KHSRP: variants seen among roughly 807,000 people sequenced by gnomAD.
KHSRP encodes the protein KH-type splicing regulatory protein.
In KHSRP, 13 loss-of-function variants were observed where a neutral mutation model predicts 94.9. The ratio of observed to expected loss-of-function variants is 0.14; its 90% CI spans 0.09 to 0.22. The LOEUF (loss-of-function observed/expected upper bound fraction) is 0.22, where lower values mean the gene tolerates loss of function less well. Among genes scored for constraint, KHSRP ranks in the 10% least tolerant of loss-of-function variants. KHSRP has a pLI of 1.00. For synonymous variants in KHSRP, 495 were observed against 401.4 expected (o/e 1.23, Z -2.79); for missense variants, 710 against 1,010.0 (o/e 0.70, Z 4.03).
chr19:6,423,154 T>TTA (rs1161448226), intron 1 of KHSRP, among the ~76,000 whole-genome samples: 1 of 152,092 alleles, frequency 6.6e-6, no homozygotes, highest in Non-Finnish European at 1.5e-5. Context: ...TGGTGCACAC[T>TTA]TATAATCCCA....
intron 4 of KHSRP, among the ~76,000 whole-genome samples, 159 bp from the exon 5 acceptor site, chr19:6,420,630 C>T (rs1173899919): frequency 2.0e-5 from 3 of 152,246 alleles, no homozygotes; most frequent in Non-Finnish European, 4.4e-5. Flanking sequence ...ATCTGTGCCC[C>T]GAGAGGCTTG....
intron 12 of KHSRP, 44 bp from the exon 13 acceptor site, chr19:6,416,926 G>T (rs200573172): frequency 6.2e-7 from 1 of 1,612,992 alleles, no homozygotes; most frequent in Admixed American, 1.7e-5. Context: ...CCTGGAAGCC[G>T]GTCTGGTCTT....
rs2092125714 is a variant in KHSRP, at chr19:6,414,387, G to A, written c.*637C>T. ...GGGCCGCGGAGGGCGGAGGCGCTAG[G>A]GTCGTAGGGGAGCTGCCCTGTCTCC... On this transcript the variant is annotated 3_prime_UTR_variant, in exon 19 of 19. Transcript: ENST00000600480. 6.1e-6 allele frequency: 8 copies of A among 1,317,142 alleles called. No individual in the cohort carries two copies. The South Asian group carries it at 7.0e-5, about 12-fold the overall frequency. The allele number at this position is 1,317,142 out of a possible 1,614,324, so 81.6% of individuals were successfully genotyped here. A position where few individuals can be genotyped will look rare whatever the true frequency, so the allele number is the denominator to read the frequency against.
intron 7 of KHSRP, 95 bp downstream of exon 7, chr19:6,419,108 T>C (rs1278237400): frequency 3.2e-6 from 4 of 1,257,508 alleles, no homozygotes; most frequent in East Asian, 2.5e-5. Flanking sequence ...ATGGAGGACA[T>C]GGCGTGCAAG....
At position 6,416,758 on chromosome 19, in the gene KHSRP, C is replaced by T; in HGVS notation, c.1307G>A (p.Cys436Tyr). The change falls in exon 13 of 19, where the codon TGT becomes TAT. Residue 436 changes from cysteine (C) to tyrosine (Y), a missense_variant. This residue lies in a region of KHSRP where 288 missense variants were observed against 501.1 expected (regional missense o/e 0.57). Transcript: ENST00000600480. ...CTCACCTCGGCCGATGACCAGCCCA[C>T]ACTTGTGAGTGGGGATGGAGAAGGT... ...EMTFSIPTHK[C>Y]GLVIGRGGEN... 1 of 1,597,466 alleles carries T rather than the reference C, an allele frequency of 6.3e-7. No individual in the cohort carries two copies. Among genetic ancestry groups the T allele is most frequent in the Non-Finnish European group, 8.5e-7 (1 of 1,170,686 alleles).
At chr19:6,416,220 G>A (rs538096665) in intron 15 of KHSRP, 78 bp downstream of exon 15, 5 of 1,220,682 alleles carry the variant, frequency 4.1e-6, no homozygotes, top group South Asian at 1.4e-5. Flanking sequence ...TCTAGGGAAA[G>A]GGAAATGGGG....
In KHSRP at chr19:6,414,338, G is replaced by A; in HGVS notation, c.*686C>T. The A allele has an allele frequency of 1.4e-6, 2 of 1,397,742 alleles. No individual in the cohort carries two copies. Among genetic ancestry groups the A allele is most frequent in the African/African-American group, 1.5e-5 (1 of 68,854 alleles). The allele number at this position is 1,397,742 out of a possible 1,614,324, so 86.6% of individuals were successfully genotyped here. ...ACGCTGCTCCCTGATGGAGAAGGAG[G>A]GACAGAGCAGGAAGAGAGGAGAGGG... On this transcript the variant is annotated 3_prime_UTR_variant, in exon 19 of 19. Transcript: ENST00000600480.
At chr19:6,420,341 G>T in intron 5 of KHSRP, 81 bp downstream of exon 5, 1 of 1,407,214 alleles carries the variant, frequency 7.1e-7, no homozygotes, top group Non-Finnish European at 1.0e-6. Context: ...TCAGACCAGG[G>T]CTTCTGGGCT....
At position 6,415,309 on chromosome 19, in the gene KHSRP, T is replaced by C; in HGVS notation, c.1967-8A>G. ...CTCCGGTGGCCACTTGCGCTGTGGG[T>C]GGACAAAGGCAGGTGAGAGGCTGTG... is the stretch of plus-strand genomic sequence containing the variant. On this transcript the variant is annotated splice_polypyrimidine_tract_variant and splice_region_variant and intron_variant, in intron 18 of 18. Coordinates refer to ENST00000600480, the MANE Select transcript of KHSRP (RefSeq NM_001366299.1). The C allele has an allele frequency of 6.2e-7, 1 of 1,613,302 alleles. No individual in the cohort carries two copies. Among genetic ancestry groups the C allele is most frequent in the Non-Finnish European group, 8.5e-7 (1 of 1,179,788 alleles).
In KHSRP at chr19:6,414,038, C is replaced by G. The variant is rs1351321295; in HGVS notation, c.*986G>C. 5.3e-6 allele frequency: 8 copies of G among 1,520,406 alleles called. No homozygotes were observed. The African/African-American group carries it at 1.1e-4, about 21-fold the overall frequency. The allele number at this position is 1,520,406 out of a possible 1,614,324, so 94.2% of individuals were successfully genotyped here. A position where few individuals can be genotyped will look rare whatever the true frequency, so the allele number is the denominator to read the frequency against. ...GCCATCGCTCTCTCGCCAAACAAAACAGAAGCCCCCAAACAGAACAAAATG... is the reference window on the plus strand; with the variant it reads ...GCCATCGCTCTCTCGCCAAACAAAAGAGAAGCCCCCAAACAGAACAAAATG... On this transcript the variant is annotated 3_prime_UTR_variant, in exon 19 of 19. Coordinates refer to ENST00000600480, the MANE Select transcript of KHSRP (RefSeq NM_001366299.1).
At position 6,413,356 on chromosome 19, in the gene KHSRP, G is replaced by A. The variant is rs1365216509; in HGVS notation, c.*1668C>T. 1.3e-5 allele frequency: 5 copies of A among 386,922 alleles called. No homozygotes were observed. Among genetic ancestry groups the A allele is most frequent in the African/African-American group, 2.2e-5 (1 of 46,128 alleles). The allele number at this position is 386,922 out of a possible 1,614,324, so 24.0% of individuals were successfully genotyped here. On this transcript the variant is annotated 3_prime_UTR_variant, in exon 19 of 19. Transcript: ENST00000600480. ...CAGCACCCGCAGACGGGGAGGTTTT[G>A]TTATCATTTATTTGTGAAGTTAAAA...
In KHSRP at chr19:6,418,152, C is replaced by T. The variant is rs1376835064; in HGVS notation, c.880-73G>A. On this transcript the variant is annotated intron_variant, in intron 9 of 18. Coordinates refer to ENST00000600480, the MANE Select transcript of KHSRP (RefSeq NM_001366299.1). The surrounding 1 kb of genome is among the most constrained non-coding windows in gnomAD (Gnocchi z 4.3). Reference sequence around the variant, plus strand: ...ACACCCCCCCACCTCCTCGGGGGTGCGGGCCTCAACTAAGGACCCACGAAC... The same window carrying T: ...ACACCCCCCCACCTCCTCGGGGGTGTGGGCCTCAACTAAGGACCCACGAAC... 2.5e-5 allele frequency: 33 copies of T among 1,339,902 alleles called. No individual in the cohort carries two copies. The highest frequency in any genetic ancestry group is 1.7e-4 in the East Asian group (7 of 42,238). 83.0% of individuals were successfully genotyped at this position (1,339,902 alleles called of 1,614,324 possible).
At chr19:6,417,113 G>A (rs1354759099) in intron 11 of KHSRP, 26 bp from the exon 12 acceptor site, 5 of 1,570,288 alleles carry the variant, frequency 3.2e-6, no homozygotes, top group East Asian at 2.2e-5. Flanking sequence ...AGAGAGCAGA[G>A]ACACAAGTTT....
rs747999912 is a variant in KHSRP, at chr19:6,420,059, T to C, written c.547+14A>G. The C allele has an allele frequency of 2.6e-5, 41 of 1,607,362 alleles. No individual in the cohort carries two copies. Among genetic ancestry groups the C allele is most frequent in the Non-Finnish European group, 3.5e-5 (41 of 1,174,020 alleles). ...CCTGGCCCCCACTCTGGCAGGAACCTGACGCTCTTATACCTGGAGAAATCT... is the reference window on the plus strand; with the variant it reads ...CCTGGCCCCCACTCTGGCAGGAACCCGACGCTCTTATACCTGGAGAAATCT... On this transcript the variant is annotated intron_variant, in intron 6 of 18. Coordinates refer to ENST00000600480, the MANE Select transcript of KHSRP (RefSeq NM_001366299.1).
rs1305664121 is a variant in KHSRP, at chr19:6,414,285, C to T, written c.*739G>A. On this transcript the variant is annotated 3_prime_UTR_variant, in exon 19 of 19. Transcript: ENST00000600480. ...AAGGACGTGCTTGTTAACTGTCTAG[C>T]CAGGTGCTCGCGGGACTCGCTGAAG... 2 of 1,412,408 alleles carry T rather than the reference C, an allele frequency of 1.4e-6. No homozygotes were observed. The highest frequency in any genetic ancestry group is 6.1e-5 in the Admixed American group (2 of 32,900). The allele number at this position is 1,412,408 out of a possible 1,614,324, so 87.5% of individuals were successfully genotyped here.
In KHSRP at chr19:6,420,069, A is replaced by G. The variant is rs8112402; in HGVS notation, c.547+4T>C. ...ACTCTGGCAGGAACCTGACGCTCTT[A>G]TACCTGGAGAAATCTGTACTTTGCA... On this transcript the variant is annotated splice_donor_region_variant and intron_variant, in intron 6 of 18. Transcript: ENST00000600480. The G allele has an allele frequency of 5.6e-6, 9 of 1,611,244 alleles. No homozygotes were observed. The African/African-American group carries it at 1.2e-4, about 22-fold the overall frequency.
chr19:6,415,935 GGGGGTGGCCGCAGCCGGACCACCT>G, intron 15 of KHSRP, 39 bp from the exon 16 acceptor site: 1 of 1,311,644 alleles, frequency 7.6e-7, no homozygotes. Flanking sequence ...GCAGTGGTGC[GGGGGTGGCCGCAGCCGGACCACCT>G]GGGGTGGGGA....
Position 6,414,139 on chromosome 19 carries a change from T to G in KHSRP, c.*885A>C, listed in dbSNP as rs560194408. ...ATTGAGCCTGCGGAGAGGGAAGAGA[T>G]AGGAATTGGTCACTACGGGGAGGGA... On this transcript the variant is annotated 3_prime_UTR_variant, in exon 19 of 19. Coordinates refer to ENST00000600480, the MANE Select transcript of KHSRP (RefSeq NM_001366299.1). 3.8e-6 allele frequency: 6 copies of G among 1,598,910 alleles called. No individual in the cohort carries two copies. Among genetic ancestry groups the G allele is most frequent in the South Asian group, 3.3e-5 (3 of 90,100 alleles).
Position 6,424,575 on chromosome 19 carries a change from C to A in KHSRP, c.127G>T (p.Gly43Cys). The A allele has an allele frequency of 1.7e-5, 16 of 961,316 alleles. No homozygotes were observed. Among genetic ancestry groups the A allele is most frequent in the Non-Finnish European group, 1.8e-5 (15 of 811,936 alleles). The allele number at this position is 961,316 out of a possible 1,614,324, so 59.5% of individuals were successfully genotyped here. A position where few individuals can be genotyped will look rare whatever the true frequency, so the allele number is the denominator to read the frequency against. The change falls in exon 1 of 19, where the codon GGC becomes TGC. Residue 43 changes from glycine to cysteine, a missense_variant. Around this residue, in one of 5 missense-constraint regions of KHSRP, gnomAD observed 92 missense variants for 80.8 expected, o/e 1.14. Transcript: ENST00000600480. ...CCCGGGCCGCCGCCGCCGGGACCGC[C>A]GCCGCCCCGGTCCCCCGCGCCTGGC... Reference protein sequence around the residue: ...GPPGAGDRGGGGPGGGGPGGG... With the variant: ...GPPGAGDRGGCGPGGGGPGGG...
Sources: gnomAD v4.1 joint callset for allele counts (sites outside exome capture counted in the v4.1 genomes callset) on GRCh38, gnomAD v4.1.1 for gene constraint, gnomAD v4.1.1 regional missense constraint, Gnocchi (gnomAD v3.1) non-coding constraint, MANE v1.5 for transcripts, NCBI Gene and HGNC (gene_info 2026-07-23, HGNC 2026-07-21) for gene names.